TBC1D12: variants seen among roughly 807,000 people sequenced by gnomAD.
TBC1D12 encodes the protein TBC1 domain family, member 12.
Under a neutral mutation model 86.7 loss-of-function variants are expected in TBC1D12, and 56 were observed. The ratio of observed to expected loss-of-function variants is 0.65; its 90% CI spans 0.52 to 0.81. The LOEUF is 0.81. TBC1D12 is among the 30% of genes least tolerant of loss of function. The pLI is 0.00. For missense variants in TBC1D12, 1,023 were observed against 1,038.8 expected (o/e 0.98, Z 0.21); for synonymous variants, 421 against 411.7 (o/e 1.02, Z -0.27).
intron 9 of TBC1D12, among the ~76,000 whole-genome samples, chr10:94,518,198 C>T (rs1393078338): frequency 6.6e-6 from 1 of 151,916 alleles, no homozygotes; most frequent in Non-Finnish European, 1.5e-5. Flanking sequence ...AAGGACTATG[C>T]ATTCTTTTTT....
chr10:94,480,766 A>C (rs979347335), intron 3 of TBC1D12, among the ~76,000 whole-genome samples: 1 of 151,326 alleles, frequency 6.6e-6, no homozygotes, highest in Non-Finnish European at 1.5e-5. Flanking sequence ...ATTCCCAGCT[A>C]CTTGGGAGGC....
chr10:94,497,515 CTTTT>C (rs34789814), intron 5 of TBC1D12, among the ~76,000 whole-genome samples: 1 of 98,102 alleles, frequency 1.0e-5, no homozygotes. Flanking sequence ...TCTGCTAAAT[CTTTT>C]TTTTTTTTTT....
chr10:94,442,466 G>A (rs1052120093), intron 2 of TBC1D12, among the ~76,000 whole-genome samples: 5 of 152,116 alleles, frequency 3.3e-5, no homozygotes, highest in African/African-American at 9.7e-5. Flanking sequence ...CACTTTTCTG[G>A]TGTCCTCTCT....
intron 12 of TBC1D12, among the ~76,000 whole-genome samples, chr10:94,532,749 G>T (rs1302187048): frequency 1.3e-5 from 2 of 152,078 alleles, no homozygotes; most frequent in East Asian, 3.8e-4. Flanking sequence ...ATCCATGAAT[G>T]ATATAAACAA....
chr10:94,444,653 GTT>G (rs1276051833), intron 2 of TBC1D12, among the ~76,000 whole-genome samples: 2 of 151,514 alleles, frequency 1.3e-5, no homozygotes, highest in East Asian at 1.9e-4. Flanking sequence ...TAAATTACTG[GTT>G]GGATAATTAT....
chr10:94,454,224 GTCT>G (rs148492869), intron 2 of TBC1D12, among the ~76,000 whole-genome samples: 6,409 of 152,138 alleles, frequency 0.042, 471 homozygotes, highest in African/African-American at 0.15. Context: ...ATGACATTGA[GTCT>G]TCTTTTCTTT....
At chr10:94,494,412 G>A (rs797004938) in intron 4 of TBC1D12, among the ~76,000 whole-genome samples, 9 of 152,230 alleles carry the variant, frequency 5.9e-5, no homozygotes, top group African/African-American at 1.9e-4. Context: ...CTTCTTTAAT[G>A]TTAAGTAAAC....
At chr10:94,457,001 G>A (rs2055636969) in intron 2 of TBC1D12, among the ~76,000 whole-genome samples, 1 of 152,108 alleles carries the variant, frequency 6.6e-6, no homozygotes, top group African/African-American at 2.4e-5. Context: ...TCTTTGATTA[G>A]CATTGGCATG....
intron 2 of TBC1D12, among the ~76,000 whole-genome samples, chr10:94,454,961 C>T (rs1227307026): frequency 6.6e-6 from 1 of 152,168 alleles, no homozygotes; most frequent in Non-Finnish European, 1.5e-5. Context: ...TGTTCCTGAC[C>T]TTAGAGAGAC....
chr10:94,412,814 A>G (rs536646016), intron 1 of TBC1D12, among the ~76,000 whole-genome samples: 7 of 152,264 alleles, frequency 4.6e-5, no homozygotes, highest in African/African-American at 1.7e-4. Flanking sequence ...TAGCTACACT[A>G]TGAGTTATCT....
chr10:94,531,520 AAGTT>A (rs1257346556), intron 12 of TBC1D12, 60 bp downstream of exon 12: 23 of 1,477,598 alleles, frequency 1.6e-5, no homozygotes, highest in Non-Finnish European at 1.8e-5. Context: ...TATTGTAAAA[AAGTT>A]AGGTATTTCT....
chr10:94,497,126 G>A lies in TBC1D12; in HGVS notation c.1366G>A (p.Ala456Thr), dbSNP rs770383926. The A allele has an allele frequency of 2.8e-5, 43 of 1,562,694 alleles. No homozygotes were observed. Among genetic ancestry groups the A allele is most frequent in the Admixed American group, 4.1e-5 (2 of 48,210 alleles). The stretch of plus-strand genomic sequence containing the variant: ...TAAGCAGGAAGAAAATATTGCAAGT[G>A]CAATGGTAATTTGGATCAATGAAAT... ...RFKQEENIAS[A>T]MVIWINEILP... is the part of the protein sequence containing the mutation. Residue 456 changes from alanine (A) to threonine (T), a missense_variant, in exon 5 of 13, where the codon GCA becomes ACA. Physicochemically the swap from Ala to Thr is moderately conservative, Grantham distance 58. Around this residue, in one of 2 missense-constraint regions of TBC1D12, gnomAD observed 395 missense variants for 507.7 expected, o/e 0.78. Transcript: ENST00000225235.
chr10:94,415,849 C>G (rs991748027), intron 1 of TBC1D12, among the ~76,000 whole-genome samples: 5 of 152,198 alleles, frequency 3.3e-5, no homozygotes, highest in Non-Finnish European at 7.4e-5. Context: ...TTGTAATATA[C>G]TCCCAGAAGC....
intron 4 of TBC1D12, among the ~76,000 whole-genome samples, chr10:94,493,917 G>A (rs1478024479): frequency 6.6e-6 from 1 of 151,716 alleles, no homozygotes; most frequent in Admixed American, 6.6e-5. Context: ...TACTATCTTA[G>A]TTTATAAATA....
At chr10:94,478,295 A>G (rs986878693) in intron 3 of TBC1D12, among the ~76,000 whole-genome samples, 23 of 152,162 alleles carry the variant, frequency 1.5e-4, no homozygotes, top group African/African-American at 5.1e-4. Context: ...GAGATTGCAA[A>G]TGCAAAAGGG....
chr10:94,510,042 T>G (rs370296257), intron 7 of TBC1D12, 49 bp from the exon 8 acceptor site: 24 of 1,371,518 alleles, frequency 1.7e-5, no homozygotes, highest in Non-Finnish European at 2.5e-5. Context: ...AAAATTGGAC[T>G]TGTTAGAGCC....
At chr10:94,527,620 C>G (rs1265172706) in intron 11 of TBC1D12, among the ~76,000 whole-genome samples, 1 of 151,870 alleles carries the variant, frequency 6.6e-6, no homozygotes, top group East Asian at 1.9e-4. Context: ...TGAGACCTTA[C>G]TAATAACATT....
intron 3 of TBC1D12, among the ~76,000 whole-genome samples, chr10:94,487,935 T>C (rs931308096): frequency 1.3e-5 from 2 of 151,956 alleles, no homozygotes; most frequent in Non-Finnish European, 2.9e-5. Flanking sequence ...CTCTTGGGCA[T>C]GAGCAATTCT....
At chr10:94,522,707 A>G (rs1187851574) in intron 11 of TBC1D12, among the ~76,000 whole-genome samples, 2 of 152,098 alleles carry the variant, frequency 1.3e-5, no homozygotes, top group South Asian at 2.1e-4. Flanking sequence ...TGAGGTCAGG[A>G]GTTCAAGACC....
Sources: allele counts gnomAD v4.1 joint callset (sites outside exome capture counted in the v4.1 genomes callset), GRCh38; gene constraint gnomAD v4.1.1; regional missense constraint gnomAD v4.1.1; transcripts MANE v1.5; gene names NCBI Gene and HGNC (gene_info 2026-07-23, HGNC 2026-07-21).